WFIKKN1: variants seen among roughly 807,000 people sequenced by gnomAD.
WFIKKN1 encodes WAP, Kazal, immunoglobulin, Kunitz and NTR domain-containing protein 1.
Under a neutral mutation model 4.6 loss-of-function variants are expected in WFIKKN1, and 6 were observed. That is an observed-to-expected ratio of 1.31 (90% CI 0.72 to 2.59). The LOEUF is 2.59. Ranked by LOEUF, WFIKKN1 falls within the 30% of genes most tolerant of loss-of-function variation. WFIKKN1 has a pLI of 0.00. For synonymous variants in WFIKKN1, 468 were observed against 367.4 expected, an observed-to-expected ratio of 1.27 and a Z score of -3.13; for missense variants, 964 against 818.0, an observed-to-expected ratio of 1.18 and a Z score of -2.18.
At position 632,592 on chromosome 16, in the gene WFIKKN1, C is replaced by T; in HGVS notation, c.182C>T (p.Ala61Val). Residue 61 changes from alanine (A) to valine (V), a missense_variant, in exon 2 of 2, where the codon GCT (alanine) becomes GTT (valine). Physicochemically the swap from Ala to Val is moderately conservative, Grantham distance 64 (BLOSUM62 0). Coordinates refer to ENST00000319070, the MANE Select transcript of WFIKKN1 (RefSeq NM_053284.3). ...GTCCCCCATCCCCAGGACTGTGCGG[C>T]TGCTGAGAAGTGCTGCATCAACGTG... ...RECSRDQDCA[A>V]AEKCCINVCG... 1 of 1,550,368 alleles carries T rather than the reference C, an allele frequency of 6.5e-7. No homozygotes were observed. The highest frequency in any genetic ancestry group is 8.7e-7 in the Non-Finnish European group (1 of 1,144,626).
At position 632,588 on chromosome 16, in the gene WFIKKN1, G is replaced by T; in HGVS notation, c.178G>T (p.Ala60Ser). Residue 60 changes from alanine to serine, a missense_variant, in exon 2 of 2, where the codon GCG becomes TCG. Transcript: ENST00000319070. ...ERECSRDQDC[A>S]AAEKCCINVC... ...AAGTGTCCCCCATCCCCAGGACTGT[G>T]CGGCTGCTGAGAAGTGCTGCATCAA... is the stretch of plus-strand genomic sequence containing the variant. 6.5e-7 allele frequency: 1 copy of T among 1,547,224 alleles called. No homozygotes were observed.
Position 634,016 on chromosome 16 carries a change from G to C in WFIKKN1, c.1606G>C (p.Glu536Gln). The C allele has an allele frequency of 6.2e-7, 1 of 1,600,906 alleles. No individual in the cohort carries two copies. The highest frequency in any genetic ancestry group is 8.5e-7 in the Non-Finnish European group (1 of 1,175,106). ...CGTCAAGAAGATCTTGGAGCTGCTG[G>C]AGAAGCAGGCCTGCGAGCTGCTCAA... ...KRVKKILELL[E>Q]KQACELLNRF... Residue 536 changes from glutamate to glutamine, a missense_variant, in exon 2 of 2, where the codon GAG becomes CAG. Transcript: ENST00000319070.
chr16:632,858 C>G lies in WFIKKN1; in HGVS notation c.448C>G (p.Leu150Val). 6.3e-7 allele frequency: 1 copy of G among 1,575,110 alleles called. No individual in the cohort carries two copies. The highest frequency in any genetic ancestry group is 8.6e-7 in the Non-Finnish European group (1 of 1,158,404). The change falls in exon 2 of 2, where the codon CTG becomes GTG. Residue 150 changes from leucine to valine, a missense_variant. Leu to Val is a conservative substitution (Grantham distance 32, BLOSUM62 1). Transcript: ENST00000319070. ...GGACGCCGAGGCCTGCCTGCGGGGCCTGCACCTCCACATCGTGCCCTGCAA... is the reference window on the plus strand; with the variant it reads ...GGACGCCGAGGCCTGCCTGCGGGGCGTGCACCTCCACATCGTGCCCTGCAA... ...YMDAEACLRGLHLHIVPCKHV... is the reference protein window; with the variant it reads ...YMDAEACLRGVHLHIVPCKHV...
In WFIKKN1 at chr16:633,039, G is replaced by A. The variant is rs1033993145; in HGVS notation, c.629G>A (p.Ser210Asn). Residue 210 changes from serine (S) to asparagine (N), a missense_variant, in exon 2 of 2, where the codon AGC (serine) becomes AAC (asparagine). By Grantham distance (46) the Ser-to-Asn change is conservative. Transcript: ENST00000319070. The part of the protein sequence containing the change: ...GGTASLHCDV[S>N]GRPPPAVTWE... Reference sequence around the variant, plus strand: ...ACGGCCAGCCTCCACTGCGACGTCAGCGGCCGCCCGCCGCCTGCTGTGACC... The same window carrying A: ...ACGGCCAGCCTCCACTGCGACGTCAACGGCCGCCCGCCGCCTGCTGTGACC... 1 of 1,611,264 alleles carries A rather than the reference G, an allele frequency of 6.2e-7. No individual in the cohort carries two copies. Among genetic ancestry groups the A allele is most frequent in the African/African-American group, 1.3e-5 (1 of 74,984 alleles).
Position 633,640 on chromosome 16 carries a change from C to A in WFIKKN1, c.1230C>A (p.Pro410=). ...HSRESCEDAC[P]VPRTPPCRAC... is the part of the protein sequence containing the mutation. ...GCGAGAGCTGCGAGGATGCCTGCCC[C>A]GTGCCGCGCACACCGCCCTGCCGCG... is the stretch of plus-strand genomic sequence containing the variant. The change falls in exon 2 of 2, where the codon CCC becomes CCA. Residue 410 remains proline (P), a synonymous_variant. Coordinates refer to ENST00000319070, the MANE Select transcript of WFIKKN1 (RefSeq NM_053284.3). 6.4e-7 allele frequency: 1 copy of A among 1,567,876 alleles called. No individual in the cohort carries two copies. The highest frequency in any genetic ancestry group is 8.6e-7 in the Non-Finnish European group (1 of 1,160,596).
In WFIKKN1 at chr16:633,913, G is replaced by C. The variant is rs2036992075; in HGVS notation, c.1503G>C (p.Leu501=). 3 of 1,593,988 alleles carry C rather than the reference G, an allele frequency of 1.9e-6. No individual in the cohort carries two copies. Among genetic ancestry groups the C allele is most frequent in the East Asian group, 2.3e-5 (1 of 43,498 alleles). ...CPNMTAGDGP[L]VIMGEVRDGV... ...ACATGACGGCGGGCGACGGGCCGCT[G>C]GTCATCATGGGTGAGGTGCGCGATG... The change falls in exon 2 of 2, where the codon CTG becomes CTC. Residue 501 remains leucine, a synonymous_variant. Coordinates refer to ENST00000319070, the MANE Select transcript of WFIKKN1 (RefSeq NM_053284.3).
chr16:632,866 C>A lies in WFIKKN1; in HGVS notation c.456C>A (p.Leu152=). Residue 152 remains leucine (L), a synonymous_variant, in exon 2 of 2, where the codon CTC becomes CTA. Coordinates refer to ENST00000319070, the MANE Select transcript of WFIKKN1 (RefSeq NM_053284.3). ...AGGCCTGCCTGCGGGGCCTGCACCTCCACATCGTGCCCTGCAAGCACGTGC... is the reference window on the plus strand; with the variant it reads ...AGGCCTGCCTGCGGGGCCTGCACCTACACATCGTGCCCTGCAAGCACGTGC... ...DAEACLRGLH[L]HIVPCKHVLS... The A allele has an allele frequency of 6.3e-7, 1 of 1,575,046 alleles. No individual in the cohort carries two copies. Among genetic ancestry groups the A allele is most frequent in the East Asian group, 2.3e-5 (1 of 44,144 alleles).
At position 633,383 on chromosome 16, in the gene WFIKKN1, G is replaced by T; in HGVS notation, c.973G>T (p.Gly325Cys). The T allele has an allele frequency of 6.4e-7, 1 of 1,564,898 alleles. No homozygotes were observed. The highest frequency in any genetic ancestry group is 1.8e-5 in the Admixed American group (1 of 55,046). Residue 325 changes from glycine to cysteine, a missense_variant, in exon 2 of 2, where the codon GGC becomes TGC. Gly to Cys is a radical substitution (Grantham distance 159). Coordinates refer to ENST00000319070, the MANE Select transcript of WFIKKN1 (RefSeq NM_053284.3). ...VLWHYDPQRG[G>C]CMTFPARGCD... ...CTGGCACTACGACCCGCAGCGGGGCGGCTGCATGACCTTCCCGGCCCGTGG... is the reference window on the plus strand; with the variant it reads ...CTGGCACTACGACCCGCAGCGGGGCTGCTGCATGACCTTCCCGGCCCGTGG...
Position 631,159 on chromosome 16 carries a change from G to T in WFIKKN1, c.-95G>T. On this transcript the variant is annotated 5_prime_UTR_variant, in exon 1 of 2. Transcript: ENST00000319070. ...GTCCTGGTGGGGGCACCGACCACAGGCCCGGAGGGTGGATGCCTGCAGGAA... is the reference window on the plus strand; with the variant it reads ...GTCCTGGTGGGGGCACCGACCACAGTCCCGGAGGGTGGATGCCTGCAGGAA... 7.1e-7 allele frequency: 1 copy of T among 1,400,252 alleles called. No homozygotes were observed. Among genetic ancestry groups the T allele is most frequent in the Non-Finnish European group, 9.4e-7 (1 of 1,058,908 alleles). The allele number at this position is 1,400,252 out of a possible 1,614,324, so 86.7% of individuals were successfully genotyped here. A position where few individuals can be genotyped will look rare whatever the true frequency, so the allele number is the denominator to read the frequency against.
In WFIKKN1 at chr16:633,428, G is replaced by T; in HGVS notation, c.1018G>T (p.Gly340Cys). ...CCGTGGCTGTGATGGGGCGGCCCGC[G>T]GCTTTGAGACCTACGAGGCATGCCA... The part of the protein sequence containing the change: ...PARGCDGAAR[G>C]FETYEACQQA... The change falls in exon 2 of 2, where the codon GGC becomes TGC. Residue 340 changes from glycine to cysteine, a missense_variant. Transcript: ENST00000319070. 1 of 1,548,348 alleles carries T rather than the reference G, an allele frequency of 6.5e-7. No homozygotes were observed. The highest frequency in any genetic ancestry group is 8.7e-7 in the Non-Finnish European group (1 of 1,155,620).
rs985590371 is a variant in WFIKKN1, at chr16:634,010, C to T, written c.1600C>T (p.Leu534=). The change falls in exon 2 of 2, where the codon CTG becomes TTG. Residue 534 remains leucine (L), a synonymous_variant. Coordinates refer to ENST00000319070, the MANE Select transcript of WFIKKN1 (RefSeq NM_053284.3). ...GAAGCGCGTCAAGAAGATCTTGGAGCTGCTGGAGAAGCAGGCCTGCGAGCT... is the reference window on the plus strand; with the variant it reads ...GAAGCGCGTCAAGAAGATCTTGGAGTTGCTGGAGAAGCAGGCCTGCGAGCT... ...SEKRVKKILE[L]LEKQACELLN... The T allele has an allele frequency of 3.7e-6, 6 of 1,601,846 alleles. No individual in the cohort carries two copies. Among genetic ancestry groups the T allele is most frequent in the African/African-American group, 1.3e-5 (1 of 74,698 alleles).
At position 632,946 on chromosome 16, in the gene WFIKKN1, C is replaced by G. The variant is rs1291847637; in HGVS notation, c.536C>G (p.Pro179Arg). 2.6e-6 allele frequency: 4 copies of G among 1,560,828 alleles called. 1 individual carries two copies. The Admixed American group carries it at 5.6e-5, about 22-fold the overall frequency. ...CCGGAGACCACTGCCCGCCCCACACCTGGGGCCGCGCCCGTGCCTCCTGCC... is the reference window on the plus strand; with the variant it reads ...CCGGAGACCACTGCCCGCCCCACACGTGGGGCCGCGCCCGTGCCTCCTGCC... ...GPPETTARPTPGAAPVPPALY... is the reference protein window; with the variant it reads ...GPPETTARPTRGAAPVPPALY... The change falls in exon 2 of 2, where the codon CCT (proline) becomes CGT (arginine). Residue 179 changes from proline (P) to arginine (R), a missense_variant. Transcript: ENST00000319070.
At position 633,704 on chromosome 16, in the gene WFIKKN1, C is replaced by G; in HGVS notation, c.1294C>G (p.Arg432Gly). ...LRSKLALSLC[R>G]SDFAIVGRLT... ...GAGCAAGCTGGCGCTGAGCCTGTGCCGCAGCGACTTCGCCATCGTGGGGCG... is the reference window on the plus strand; with the variant it reads ...GAGCAAGCTGGCGCTGAGCCTGTGCGGCAGCGACTTCGCCATCGTGGGGCG... Residue 432 changes from arginine to glycine, a missense_variant, in exon 2 of 2, where the codon CGC becomes GGC. Physicochemically the swap from Arg to Gly is moderately radical, Grantham distance 125 (BLOSUM62 -2). Coordinates refer to ENST00000319070, the MANE Select transcript of WFIKKN1 (RefSeq NM_053284.3). 1 of 1,585,400 alleles carries G rather than the reference C, an allele frequency of 6.3e-7. No individual in the cohort carries two copies. The highest frequency in any genetic ancestry group is 8.6e-7 in the Non-Finnish European group (1 of 1,166,348).
intron 1 of WFIKKN1, 71 bp from the exon 2 acceptor site, chr16:632,511 T>C: frequency 7.1e-7 from 1 of 1,400,930 alleles, no homozygotes; most frequent in Non-Finnish European, 9.3e-7. Flanking sequence ...GGGCCTCCCC[T>C]TGCAGGGGCC....
rs535136651 is a variant in WFIKKN1 at position 631,681 on chromosome 16, C to T, written c.171+257C>T. Reference sequence around the variant, plus strand: ...TCCTCGGCGACCACCCCCACCCCGTCACTGCCTCTCCTCCCACCCTCTCCT... The same window carrying T: ...TCCTCGGCGACCACCCCCACCCCGTTACTGCCTCTCCTCCCACCCTCTCCT... On this transcript the variant is annotated intron_variant, in intron 1 of 1. Transcript: ENST00000319070. 56 of 337,986 alleles carry T rather than the reference C, an allele frequency of 1.7e-4. 1 individual carries two copies. The Admixed American group carries it at 2.4e-3, about 14-fold the overall frequency. The allele number at this position is 337,986 out of a possible 1,614,324, so 20.9% of individuals were successfully genotyped here. A position where few individuals can be genotyped will look rare whatever the true frequency, so the allele number is the denominator to read the frequency against.
rs754000070 is a variant in WFIKKN1, at chr16:633,472, C to T, written c.1062C>T (p.Gly354=). ...CATGCCAGCAGGCCTGTGCCCGCGG[C>T]CCCGGCGACGCCTGCGTGCTGCCTG... ...YEACQQACAR[G]PGDACVLPAV... Residue 354 remains glycine, a synonymous_variant, in exon 2 of 2, where the codon GGC becomes GGT. Transcript: ENST00000319070. 11 of 1,522,596 alleles carry T rather than the reference C, an allele frequency of 7.2e-6. No homozygotes were observed. The African/African-American group carries it at 1.4e-4, about 20-fold the overall frequency. 94.3% of individuals were successfully genotyped at this position (1,522,596 alleles called of 1,614,324 possible).
rs770269315 is a variant in WFIKKN1 at position 632,920 on chromosome 16, G to A, written c.510G>A (p.Pro170=). 18 of 1,559,388 alleles carry A rather than the reference G, an allele frequency of 1.2e-5. No individual in the cohort carries two copies. Among genetic ancestry groups the A allele is most frequent in the African/African-American group, 4.1e-5 (3 of 73,150 alleles). ...VLSWPPSSPG[P]PETTARPTPG... ...GCTGGCCGCCCAGCAGCCCGGGGCCGCCGGAGACCACTGCCCGCCCCACAC... is the reference window on the plus strand; with the variant it reads ...GCTGGCCGCCCAGCAGCCCGGGGCCACCGGAGACCACTGCCCGCCCCACAC... The change falls in exon 2 of 2, where the codon CCG becomes CCA. Residue 170 remains proline, a synonymous_variant. Transcript: ENST00000319070.
rs1474065797 is a variant in WFIKKN1, at chr16:631,443, G to C, written c.171+19G>C. The C allele has an allele frequency of 2.5e-6, 4 of 1,598,662 alleles. No homozygotes were observed. In the African/African-American group the frequency reaches 5.4e-5, roughly 22 times the overall value. On this transcript the variant is annotated intron_variant, in intron 1 of 1. Coordinates refer to ENST00000319070, the MANE Select transcript of WFIKKN1 (RefSeq NM_053284.3). ...GGACCAGGTGAGTGTGGTCGGGCCG[G>C]GGTCCTGGGGCTCAGAGCAGCCAGC...
At chr16:631,496 C>T in intron 1 of WFIKKN1, 72 bp downstream of exon 1, 1 of 1,546,514 alleles carries the variant, frequency 6.5e-7, no homozygotes, top group Non-Finnish European at 8.6e-7. Context: ...GGAGGTGCCA[C>T]CTTCTGCCTG....
Sources: gnomAD v4.1 joint callset for allele counts on GRCh38, gnomAD v4.1.1 for gene constraint, MANE v1.5 for transcripts, NCBI Gene and HGNC (gene_info 2026-07-23, HGNC 2026-07-21) for gene names.